The following RBFOX1 variants were observed in gnomAD, a reference collection of about 807,000 sequenced individuals.
RBFOX1 encodes RNA binding fox-1 homolog 1.
A neutral mutation model predicts 57.7 loss-of-function variants in RBFOX1; 8 were observed. That is an observed-to-expected ratio of 0.14 (90% CI 0.08 to 0.25). The LOEUF (loss-of-function observed/expected upper bound fraction) is 0.25, where lower values mean the gene tolerates loss of function less well. Ranked by LOEUF, RBFOX1 falls within the 10% of genes least tolerant of loss-of-function variation. The probability of loss-of-function intolerance (pLI) is 1.00; values close to 1 mark genes in which losing one functional copy is unlikely to be tolerated. For synonymous variants in RBFOX1, 326 were observed against 222.4 expected, an observed-to-expected ratio of 1.47 and a Z score of -4.15; for missense variants, 611 against 548.5, an observed-to-expected ratio of 1.11 and a Z score of -1.14.
intron 3 of RBFOX1, among the ~76,000 whole-genome samples, chr16:6,912,697 C>T (rs936141335): frequency 4.0e-5 from 6 of 151,632 alleles, no homozygotes; most frequent in South Asian, 2.1e-4. Flanking sequence ...CTCACTGTAG[C>T]GCCCCAACCT....
At chr16:7,317,775 C>G (rs1008610934) in intron 4 of RBFOX1, among the ~76,000 whole-genome samples, 1 of 152,192 alleles carries the variant, frequency 6.6e-6, no homozygotes, top group East Asian at 1.9e-4. Flanking sequence ...CCAACTAGCT[C>G]TATGGGCATG....
chr16:7,357,908 C>G (rs979827415), intron 4 of RBFOX1, among the ~76,000 whole-genome samples: 2 of 152,030 alleles, frequency 1.3e-5, no homozygotes, highest in African/African-American at 4.8e-5. Context: ...TTTTTTTCCT[C>G]TCTGAGGGAA....
At chr16:6,108,911 A>G (rs2096412917) in intron 1 of RBFOX1, among the ~76,000 whole-genome samples, 1 of 152,150 alleles carries the variant, frequency 6.6e-6, no homozygotes, top group South Asian at 2.1e-4. Context: ...CACCTAGATA[A>G]TCCAGAATAA....
At chr16:6,987,502 C>CAG (rs1217072430) in intron 3 of RBFOX1, among the ~76,000 whole-genome samples, 4 of 143,896 alleles carry the variant, frequency 2.8e-5, no homozygotes, top group Non-Finnish European at 6.0e-5. Flanking sequence ...CACACACACA[C>CAG]ACAGAGGCAT....
At chr16:5,853,814 G>A (rs776407803) in intron 3 of RBFOX1, among the ~76,000 whole-genome samples, 2 of 152,088 alleles carry the variant, frequency 1.3e-5, no homozygotes, top group Admixed American at 6.5e-5. Flanking sequence ...GGAGTATAGC[G>A]GTTCAATCAT....
At chr16:5,679,334 CTT>C (rs571622871) in intron 3 of RBFOX1, among the ~76,000 whole-genome samples, 1 of 142,100 alleles carries the variant, frequency 7.0e-6, no homozygotes. Flanking sequence ...AATTCTCTCT[CTT>C]TTTTTTTTTT....
intron 4 of RBFOX1, among the ~76,000 whole-genome samples, chr16:7,477,720 A>C (rs370401535): frequency 6.6e-6 from 1 of 152,176 alleles, no homozygotes; most frequent in Admixed American, 6.5e-5. Flanking sequence ...TCAGACTTCA[A>C]GGTGGCATTG....
intron 2 of RBFOX1, among the ~76,000 whole-genome samples, chr16:5,518,600 A>G (rs888727641): frequency 1.3e-5 from 2 of 152,208 alleles, no homozygotes; most frequent in African/African-American, 4.8e-5. Context: ...CTGCAAGGAT[A>G]TGTCCATGTT....
chr16:7,593,814 G>A (rs1276530217), intron 7 of RBFOX1, among the ~76,000 whole-genome samples: 1 of 152,052 alleles, frequency 6.6e-6, no homozygotes, highest in Non-Finnish European at 1.5e-5. Context: ...GGGATGTCTT[G>A]GAACTAATCT....
intron 2 of RBFOX1, among the ~76,000 whole-genome samples, chr16:6,382,570 G>C (rs1567162563): frequency 6.6e-6 from 1 of 152,180 alleles, no homozygotes; most frequent in South Asian, 2.1e-4. Flanking sequence ...ATGTGAAAAT[G>C]CTTTTAAGAC....
chr16:6,505,786 T>C (rs1466221370), intron 2 of RBFOX1, among the ~76,000 whole-genome samples: 1 of 152,168 alleles, frequency 6.6e-6, no homozygotes, highest in East Asian at 1.9e-4. Context: ...AGAGAATTCC[T>C]TGGAGGCAGT....
At chr16:6,539,256 T>C (rs2153829883) in intron 2 of RBFOX1, among the ~76,000 whole-genome samples, 1 of 152,292 alleles carries the variant, frequency 6.6e-6, no homozygotes, top group South Asian at 2.1e-4. Flanking sequence ...TGGTAGTGTG[T>C]ATAAGCATGG....
intron 3 of RBFOX1, among the ~76,000 whole-genome samples, chr16:6,900,600 T>C (rs2068226524): frequency 6.6e-6 from 1 of 152,226 alleles, no homozygotes; most frequent in East Asian, 1.9e-4. Context: ...TTTAGCAATG[T>C]GCTGAGTGTC....
intron 2 of RBFOX1, among the ~76,000 whole-genome samples, chr16:6,556,341 A>G (rs1412675680): frequency 6.6e-6 from 1 of 152,222 alleles, no homozygotes; most frequent in Non-Finnish European, 1.5e-5. Flanking sequence ...TCTCTTTGGA[A>G]TTACCAGATG....
intron 2 of RBFOX1, among the ~76,000 whole-genome samples, chr16:6,564,331 A>G (rs2097225330): frequency 6.6e-6 from 1 of 152,152 alleles, no homozygotes; most frequent in Non-Finnish European, 1.5e-5. Flanking sequence ...GTGGAGTATT[A>G]TTCAGCTATA....
At chr16:5,754,255 G>C (rs11867094) in intron 3 of RBFOX1, among the ~76,000 whole-genome samples, 83,749 of 152,022 alleles carry the variant, frequency 0.55, 26,758 homozygotes, top group African/African-American at 0.89. Flanking sequence ...TACCTTCCCT[G>C]TAAGCGTCTT....
chr16:5,853,841 G>C (rs2056957952), intron 3 of RBFOX1, among the ~76,000 whole-genome samples: 1 of 152,110 alleles, frequency 6.6e-6, no homozygotes, highest in African/African-American at 2.4e-5. Flanking sequence ...CTGCAGCCTT[G>C]AACTCCTGGC....
intron 4 of RBFOX1, among the ~76,000 whole-genome samples, chr16:7,110,661 T>C (rs1172189222): frequency 6.6e-6 from 1 of 152,154 alleles, no homozygotes; most frequent in Middle Eastern, 3.2e-3. Flanking sequence ...CTAAACCATA[T>C]TCATTCACCA....
At chr16:7,147,883 G>C (rs887575734) in intron 4 of RBFOX1, among the ~76,000 whole-genome samples, 3 of 152,162 alleles carry the variant, frequency 2.0e-5, no homozygotes, top group Non-Finnish European at 1.5e-5. Context: ...AGCCCTTTGA[G>C]AAACCTCCAG....
Sources: allele counts gnomAD v4.1 joint callset (sites outside exome capture counted in the v4.1 genomes callset), GRCh38; gene constraint gnomAD v4.1.1; transcripts MANE v1.5; gene names NCBI Gene and HGNC (gene_info 2026-07-23, HGNC 2026-07-21).